MXI1: variants seen among roughly 807,000 people sequenced by gnomAD.
The protein encoded by MXI1 is MAX interactor 1, dimerization protein.
A neutral mutation model predicts 36.9 loss-of-function variants in MXI1; 18 were observed. The observed-to-expected ratio is 0.49, with a 90% confidence interval of 0.34 to 0.72. MXI1 has a LOEUF of 0.72. MXI1 is among the 30% of genes least tolerant of loss of function. MXI1 has a pLI of 0.01. For missense variants in MXI1, 304 were observed against 379.1 expected (o/e 0.80, Z 1.64); for synonymous variants, 160 against 146.7 (o/e 1.09, Z -0.65).
chr10:110,214,481 T>C (rs1345133727), intron 1 of MXI1, among the ~76,000 whole-genome samples: 1 of 151,930 alleles, frequency 6.6e-6, no homozygotes, highest in African/African-American at 2.4e-5. Context: ...GCTGTTGCTA[T>C]GGTACTGGGG....
At chr10:110,211,005 G>A (rs910095530) in intron 1 of MXI1, among the ~76,000 whole-genome samples, 4 of 152,104 alleles carry the variant, frequency 2.6e-5, no homozygotes, top group African/African-American at 7.2e-5. Flanking sequence ...GTTTCTGGAA[G>A]GAAGCAGGGA....
At chr10:110,250,219 A>C (rs907859559) in intron 3 of MXI1, among the ~76,000 whole-genome samples, 2 of 152,114 alleles carry the variant, frequency 1.3e-5, no homozygotes, top group Non-Finnish European at 2.9e-5. Context: ...TATGCTCTAG[A>C]TGGTTCAGAG....
chr10:110,285,834 G>A lies in MXI1; in HGVS notation c.*847G>A, dbSNP rs1198244333. ...TGTCTGCGTGGGTCAGAAGAGTTGTGCACGCAGATTAGCAGGCCAAGGTCT... is the reference window on the plus strand; with the variant it reads ...TGTCTGCGTGGGTCAGAAGAGTTGTACACGCAGATTAGCAGGCCAAGGTCT... On this transcript the variant is annotated 3_prime_UTR_variant, in exon 6 of 6. Transcript: ENST00000332674. 6.6e-6 allele frequency: 1 copy of A among 152,540 alleles called. No homozygotes were observed. Among genetic ancestry groups the A allele is most frequent in the African/African-American group, 2.4e-5 (1 of 41,408 alleles). 9.4% of individuals were successfully genotyped at this position (152,540 alleles called of 1,614,324 possible).
intron 3 of MXI1, among the ~76,000 whole-genome samples, chr10:110,270,745 A>G (rs1856828047): frequency 6.6e-6 from 1 of 152,022 alleles, no homozygotes; most frequent in African/African-American, 2.4e-5. Flanking sequence ...TACTTTGATA[A>G]AGTCATTCTG....
chr10:110,237,648 T>C (rs1322816336), intron 2 of MXI1, among the ~76,000 whole-genome samples: 1 of 152,218 alleles, frequency 6.6e-6, no homozygotes, highest in African/African-American at 2.4e-5. Context: ...TCGCTACAGA[T>C]GCCAGCCATA....
At chr10:110,220,069 C>T (rs1429533069) in intron 1 of MXI1, among the ~76,000 whole-genome samples, 2 of 152,328 alleles carry the variant, frequency 1.3e-5, no homozygotes, top group Non-Finnish European at 2.9e-5. Context: ...GAGACCATTG[C>T]TTTAACCAAT....
intron 3 of MXI1, among the ~76,000 whole-genome samples, chr10:110,266,981 G>A (rs917055316): frequency 6.6e-6 from 1 of 152,118 alleles, no homozygotes; most frequent in Non-Finnish European, 1.5e-5. Flanking sequence ...TTATCCTGAA[G>A]TAACTAGAGT....
chr10:110,262,347 T>C (rs1856546385), intron 3 of MXI1, among the ~76,000 whole-genome samples: 1 of 152,124 alleles, frequency 6.6e-6, no homozygotes, highest in Non-Finnish European at 1.5e-5. Context: ...TATTACACCA[T>C]TTTATATCAG....
chr10:110,211,510 A>AC (rs1327366175), intron 1 of MXI1, among the ~76,000 whole-genome samples: 1 of 152,144 alleles, frequency 6.6e-6, no homozygotes, highest in Non-Finnish European at 1.5e-5. Context: ...TGCATGGTGG[A>AC]CCCTGGTCAC....
chr10:110,219,442 G>GGT (rs1564705514), intron 1 of MXI1, among the ~76,000 whole-genome samples: 1 of 152,094 alleles, frequency 6.6e-6, no homozygotes, highest in African/African-American at 2.4e-5. Context: ...ATTGCCGTTC[G>GGT]GAGTGAGTGT....
chr10:110,284,821 C>G lies in MXI1; in HGVS notation c.725-3C>G. ...TTCTTCTTTTTTTTTTTTCCTTTGG[C>G]AGAGGAGATTGAAGTGGATGTTGAA... On this transcript the variant is annotated splice_polypyrimidine_tract_variant and splice_region_variant and intron_variant, in intron 5 of 5. Coordinates refer to ENST00000332674, the MANE Select transcript of MXI1 (RefSeq NM_130439.3). 1 of 1,558,912 alleles carries G rather than the reference C, an allele frequency of 6.4e-7. No homozygotes were observed. Among genetic ancestry groups the G allele is most frequent in the Admixed American group, 2.0e-5 (1 of 51,178 alleles).
rs140771001 is a variant in MXI1 at position 110,236,740 on chromosome 10, C to T, written c.408-8088C>T. Among the ~76,000 whole-genome samples, 935 of 152,282 alleles carry T rather than the reference C, an allele frequency of 6.1e-3. 5 individuals carry two copies. Among genetic ancestry groups the T allele is most frequent in the African/African-American group, 0.017 (722 of 41,564 alleles). ...CCTTCCAAAGTGTTGGGATTACAGG[C>T]GTGAGCCACTGTGCGTGGCCTGCAT... On this transcript the variant is annotated intron_variant, in intron 2 of 5. Transcript: ENST00000332674.
At chr10:110,226,040 G>A (rs1854954542) in intron 1 of MXI1, 2 of 982,628 alleles carry the variant, frequency 2.0e-6, no homozygotes, top group African/African-American at 1.8e-5. Context: ...GGGCGCGGCT[G>A]GCGCGGCTGG....
At chr10:110,253,357 T>C (rs914620875) in intron 3 of MXI1, among the ~76,000 whole-genome samples, 31 of 152,038 alleles carry the variant, frequency 2.0e-4, no homozygotes, top group African/African-American at 7.5e-4. Flanking sequence ...AACGTAAGAG[T>C]AAATCTTTAT....
chr10:110,265,013 A>G (rs1856639768), intron 3 of MXI1, among the ~76,000 whole-genome samples: 1 of 151,788 alleles, frequency 6.6e-6, no homozygotes, highest in African/African-American at 2.4e-5. Flanking sequence ...TTCTACTTCT[A>G]TTTAGGATTT....
chr10:110,219,624 A>T (rs1854746254), intron 1 of MXI1, among the ~76,000 whole-genome samples: 2 of 152,230 alleles, frequency 1.3e-5, no homozygotes, highest in South Asian at 4.1e-4. Context: ...CTCCTCACCC[A>T]GCCACCTAAC....
chr10:110,279,849 G>A, intron 4 of MXI1, 65 bp from the exon 5 acceptor site: 1 of 1,226,028 alleles, frequency 8.2e-7, no homozygotes, highest in Non-Finnish European at 1.1e-6. Flanking sequence ...TCTGCTAAAG[G>A]AGGAATCAGT....
chr10:110,235,739 G>C (rs1267444619), intron 2 of MXI1, among the ~76,000 whole-genome samples: 1 of 150,936 alleles, frequency 6.6e-6, no homozygotes, highest in African/African-American at 2.4e-5. Context: ...GGCCGGGTGT[G>C]GTGGCTTATG....
chr10:110,253,015 A>C (rs555266358), intron 3 of MXI1, among the ~76,000 whole-genome samples: 1 of 152,126 alleles, frequency 6.6e-6, no homozygotes, highest in Non-Finnish European at 1.5e-5. Context: ...CATACAGTGC[A>C]CTAAGATAAG....
Sources: gnomAD v4.1 joint callset for allele counts (sites outside exome capture counted in the v4.1 genomes callset) on GRCh38, gnomAD v4.1.1 for gene constraint, MANE v1.5 for transcripts, NCBI Gene and HGNC (gene_info 2026-07-23, HGNC 2026-07-21) for gene names.